Variants in E4F1 observed in about 807,000 individuals in gnomAD.
E4F1 encodes E4F transcription factor 1, also known as transcription factor E4F1.
Under a neutral mutation model 72.9 loss-of-function variants are expected in E4F1, and 30 were observed. The observed-to-expected ratio is 0.41, with a 90% CI of 0.31 to 0.56. E4F1 has a LOEUF of 0.56. Among genes scored for constraint, E4F1 ranks in the 20% least tolerant of loss-of-function variants. The pLI is 0.25. For missense variants in E4F1, 1,091 were observed against 1,117.5 expected, an observed-to-expected ratio of 0.98 and a Z score of 0.34; for synonymous variants, 542 against 478.2, an observed-to-expected ratio of 1.13 and a Z score of -1.74.
Position 2,228,394 on chromosome 16 carries a change from C to G in E4F1, c.180C>G (p.Cys60Trp). The G allele has an allele frequency of 1.2e-6, 2 of 1,613,804 alleles. No individual in the cohort carries two copies. Among genetic ancestry groups the G allele is most frequent in the Non-Finnish European group, 1.7e-6 (2 of 1,180,026 alleles). ...SEEDEDDVHR[C>W]GRCQAEFTAL... Reference sequence around the variant, plus strand: ...CAGATGAGGACGATGTGCACAGATGCGGCCGCTGCCAGGCAGAGTTCACCG... The same window carrying G: ...CAGATGAGGACGATGTGCACAGATGGGGCCGCTGCCAGGCAGAGTTCACCG... Residue 60 changes from cysteine (C) to tryptophan (W), a missense_variant, in exon 2 of 14, where the codon TGC (cysteine) becomes TGG (tryptophan). Coordinates refer to ENST00000301727, the MANE Select transcript of E4F1 (RefSeq NM_004424.5).
At position 2,233,481 on chromosome 16, in the gene E4F1, G is replaced by A. The variant is rs779688502; in HGVS notation, c.1100G>A (p.Arg367His). 10 of 1,506,246 alleles carry A rather than the reference G, an allele frequency of 6.6e-6. No individual in the cohort carries two copies. Among genetic ancestry groups the A allele is most frequent in the Admixed American group, 6.6e-5 (3 of 45,424 alleles). The allele number at this position is 1,506,246 out of a possible 1,614,324, so 93.3% of individuals were successfully genotyped here. The stretch of plus-strand genomic sequence containing the variant: ...CTCCCCTGCTCCAGCGAGGGCAGCC[G>A]TGAGAACCTGCTGCACCAGGCCATG... ...QELPCSSEGS[R>H]ENLLHQAMQN... is the part of the protein sequence containing the mutation. Residue 367 changes from arginine (R) to histidine (H), a missense_variant, in exon 8 of 14, where the codon CGT becomes CAT. Transcript: ENST00000301727.
intron 7 of E4F1, 115 bp from the exon 8 acceptor site, chr16:2,233,323 G>T: frequency 7.0e-7 from 1 of 1,429,302 alleles, no homozygotes; most frequent in East Asian, 2.4e-5. Context: ...GGGCCAGTGG[G>T]AGCGCCATGG....
chr16:2,225,433 C>T (rs2093425214), intron 1 of E4F1, among the ~76,000 whole-genome samples: 1 of 150,762 alleles, frequency 6.6e-6, no homozygotes, highest in Non-Finnish European at 1.5e-5. Flanking sequence ...CAAGGAGTTC[C>T]AGACCAGCCT....
rs551031835 is a variant in E4F1, at chr16:2,233,195, G to A, written c.1056+12G>A. 5.2e-5 allele frequency: 83 copies of A among 1,587,884 alleles called. No homozygotes were observed. The highest frequency in any genetic ancestry group is 6.7e-5 in the Non-Finnish European group (78 of 1,164,396). ...CCCTGGCCCCAGAGGTGGGGGCGAC[G>A]GGGGGCCCCGGAGGGCTGCTCTGTC... On this transcript the variant is annotated intron_variant, in intron 7 of 13. Transcript: ENST00000301727.
At chr16:2,232,149 T>C (rs1360843501) in intron 3 of E4F1, 22 bp from the exon 4 acceptor site, 1 of 1,607,076 alleles carries the variant, frequency 6.2e-7, no homozygotes, top group Non-Finnish European at 8.5e-7. Context: ...TCCTGGGGCT[T>C]AGGCCCAGAT....
intron 8 of E4F1, 69 bp from the exon 9 acceptor site, chr16:2,233,813 G>A: frequency 6.9e-7 from 1 of 1,459,668 alleles, no homozygotes; most frequent in Non-Finnish European, 9.3e-7. Context: ...TGGGGCCCAT[G>A]GTTGTGTTCT....
chr16:2,229,590 C>A lies in E4F1; in HGVS notation c.330C>A (p.Gly110=). The A allele has an allele frequency of 1.2e-6, 2 of 1,611,892 alleles. No homozygotes were observed. Among genetic ancestry groups the A allele is most frequent in the Non-Finnish European group, 8.5e-7 (1 of 1,179,948 alleles). ...GGCAGGTGGTGCCGGCAGCACCAGG[C>A]CCAGAGGAGCCCATCACTGTGGCCC... The part of the protein sequence containing the change: ...LGQEVVPAAP[G]PEEPITVAHI... The change falls in exon 3 of 14, where the codon GGC becomes GGA. Residue 110 remains glycine (G), a synonymous_variant. Coordinates refer to ENST00000301727, the MANE Select transcript of E4F1 (RefSeq NM_004424.5).
chr16:2,234,666 G>A lies in E4F1; in HGVS notation c.1677G>A (p.Lys559=), dbSNP rs1257132137. ...CQFCSRGFRE[K]GSLVRHVRHH... is the part of the protein sequence containing the mutation. ...TCTGCAGCCGTGGCTTCCGAGAGAA[G>A]GGCTCACTGGTGCGGCACGTGCGAC... Residue 559 remains lysine (K), a synonymous_variant, in exon 11 of 14, where the codon AAG becomes AAA. Coordinates refer to ENST00000301727, the MANE Select transcript of E4F1 (RefSeq NM_004424.5). 3 of 1,590,856 alleles carry A rather than the reference G, an allele frequency of 1.9e-6. No homozygotes were observed. The highest frequency in any genetic ancestry group is 4.6e-5 in the East Asian group (2 of 43,868).
At chr16:2,226,642 C>T (rs1428023035) in intron 1 of E4F1, among the ~76,000 whole-genome samples, 2 of 152,242 alleles carry the variant, frequency 1.3e-5, no homozygotes, top group Non-Finnish European at 2.9e-5. Context: ...GAAACAGCTC[C>T]TATCCCTTTG....
Position 2,234,465 on chromosome 16 carries a change from T to TC in E4F1, c.1593+80dup. On this transcript the variant is annotated intron_variant, in intron 10 of 13. Transcript: ENST00000301727. ...TGGCCGTGGCCCAGGTGCACCCCCT[T>TC]CCCTGCCTCCACCATGCTCAGTCTT... 4 of 1,579,216 alleles carry TC rather than the reference T, an allele frequency of 2.5e-6. No individual in the cohort carries two copies. In the South Asian group the frequency reaches 3.4e-5, roughly 13 times the overall value.
In E4F1 at chr16:2,233,189, G is replaced by T; in HGVS notation, c.1056+6G>T. On this transcript the variant is annotated splice_donor_region_variant and intron_variant, in intron 7 of 13. Transcript: ENST00000301727. ...TGAAAGCCCTGGCCCCAGAGGTGGG[G>T]GCGACGGGGGGCCCCGGAGGGCTGC... The T allele has an allele frequency of 6.3e-7, 1 of 1,593,266 alleles. No individual in the cohort carries two copies. Among genetic ancestry groups the T allele is most frequent in the South Asian group, 1.1e-5 (1 of 89,372 alleles).
chr16:2,234,439 C>T (rs1197724465), intron 10 of E4F1, 51 bp downstream of exon 10: 1 of 1,602,836 alleles, frequency 6.2e-7, no homozygotes, highest in South Asian at 1.1e-5. Flanking sequence ...ATCCTGCTCC[C>T]TGGCCGTGGC....
intron 1 of E4F1, among the ~76,000 whole-genome samples, chr16:2,226,107 A>G (rs1353728287): frequency 6.6e-6 from 1 of 152,114 alleles, no homozygotes; most frequent in Non-Finnish European, 1.5e-5. Flanking sequence ...GAAAAAAAAA[A>G]AAGATGCAGA....
rs776061277 is a variant in E4F1, at chr16:2,234,155, C to T, written c.1376-16C>T. ...CGCGGGTGATGGGCTTGGCCTGATG[C>T]TGTGTGTGGCTGCAGGGCCGAGGCC... On this transcript the variant is annotated splice_polypyrimidine_tract_variant and intron_variant, in intron 9 of 13. Transcript: ENST00000301727. The T allele has an allele frequency of 1.9e-6, 3 of 1,609,870 alleles. No individual in the cohort carries two copies. The highest frequency in any genetic ancestry group is 2.2e-5 in the East Asian group (1 of 44,848).
At chr16:2,223,851 G>T (rs1371511979) in intron 1 of E4F1, 81 bp downstream of exon 1, 2 of 1,530,922 alleles carry the variant, frequency 1.3e-6, no homozygotes, top group Admixed American at 2.0e-5. Flanking sequence ...GGCCCGAGCT[G>T]CGGGCTCGAC....
At chr16:2,229,818 C>T (rs984270449) in intron 3 of E4F1, 143 bp downstream of exon 3, 14 of 803,040 alleles carry the variant, frequency 1.7e-5, no homozygotes, top group African/African-American at 8.5e-5. Flanking sequence ...AGCCTTTCTG[C>T]GGGCACAGCC....
At chr16:2,227,259 G>C (rs1289487807) in intron 1 of E4F1, among the ~76,000 whole-genome samples, 1 of 152,166 alleles carries the variant, frequency 6.6e-6, no homozygotes, top group Non-Finnish European at 1.5e-5. Context: ...GCCCCGGCTG[G>C]AGTGCAATGG....
Position 2,235,167 on chromosome 16 carries a change from C to T in E4F1, c.1998+24C>T, listed in dbSNP as rs369951581. ...AGGTGAGGGGTAGGGCAGGCGGGGG[C>T]GGGGAGGCTCCCTGGCACAGCCGCT... is the stretch of plus-strand genomic sequence containing the variant. On this transcript the variant is annotated intron_variant, in intron 13 of 13. Coordinates refer to ENST00000301727, the MANE Select transcript of E4F1 (RefSeq NM_004424.5). The T allele has an allele frequency of 1.0e-5, 16 of 1,599,068 alleles. No homozygotes were observed. In the African/African-American group the frequency reaches 1.2e-4, roughly 12 times the overall value.
intron 1 of E4F1, among the ~76,000 whole-genome samples, chr16:2,224,864 A>C (rs1416069597): frequency 6.6e-6 from 1 of 152,094 alleles, no homozygotes; most frequent in Non-Finnish European, 1.5e-5. Flanking sequence ...GAAGGCCTTC[A>C]CAGCCCCTTT....
Sources: gnomAD v4.1 joint callset for allele counts (sites outside exome capture counted in the v4.1 genomes callset) on GRCh38, gnomAD v4.1.1 for gene constraint, MANE v1.5 for transcripts, NCBI Gene and HGNC (gene_info 2026-07-23, HGNC 2026-07-21) for gene names.